Variants in AVL9 observed in about 807,000 individuals in gnomAD.
AVL9 encodes AVL9 cell migration associated.
Under a neutral mutation model 79.2 loss-of-function variants are expected in AVL9, and 49 were observed. That is an observed-to-expected ratio of 0.62 (90% CI 0.49 to 0.79). The LOEUF (loss-of-function observed/expected upper bound fraction) is 0.79, where lower values mean the gene tolerates loss of function less well. AVL9 is among the 30% of genes least tolerant of loss of function. The probability of loss-of-function intolerance (pLI) is 0.00; values close to 1 mark genes in which losing one functional copy is unlikely to be tolerated. For synonymous variants in AVL9, 299 were observed against 280.6 expected, an observed-to-expected ratio of 1.07 and a Z score of -0.65; for missense variants, 682 against 776.8, an observed-to-expected ratio of 0.88 and a Z score of 1.45.
chr7:32,552,528 T>G (rs1789878717), intron 6 of AVL9, among the ~76,000 whole-genome samples: 1 of 152,264 alleles, frequency 6.6e-6, no homozygotes, highest in Admixed American at 6.5e-5. Context: ...TCTGCCTTTT[T>G]TTTTTTTGAG....
chr7:32,555,144 GC>G (rs1790001276), intron 8 of AVL9, among the ~76,000 whole-genome samples: 1 of 152,156 alleles, frequency 6.6e-6, no homozygotes, highest in Non-Finnish European at 1.5e-5. Context: ...TTTGAGACCA[GC>G]CTGGGCAACA....
chr7:32,585,859 A>C lies in AVL9; in HGVS notation c.*1952A>C, dbSNP rs1016437023. Reference sequence around the variant, plus strand: ...GAAAGTAGTACCAAACAAAAACCTTAAACAGTACTTGAATCTTTTTTGCGC... The same window carrying C: ...GAAAGTAGTACCAAACAAAAACCTTCAACAGTACTTGAATCTTTTTTGCGC... On this transcript the variant is annotated 3_prime_UTR_variant, in exon 16 of 16. Coordinates refer to ENST00000318709, the MANE Select transcript of AVL9 (RefSeq NM_015060.3). The C allele has an allele frequency of 6.6e-6, 1 of 152,206 alleles. No individual in the cohort carries two copies. Among genetic ancestry groups the C allele is most frequent in the Non-Finnish European group, 1.5e-5 (1 of 68,036 alleles). 9.4% of individuals were successfully genotyped at this position (152,206 alleles called of 1,614,324 possible). A position where few individuals can be genotyped will look rare whatever the true frequency, so the allele number is the denominator to read the frequency against.
chr7:32,575,090 T>C (rs919616053), intron 12 of AVL9, among the ~76,000 whole-genome samples: 1 of 22,432 alleles, frequency 4.5e-5, no homozygotes, highest in Non-Finnish European at 1.2e-4. Context: ...TTAAGACTTT[T>C]TTTGTTTTGT....
At chr7:32,542,547 C>G (rs961205154) in intron 1 of AVL9, among the ~76,000 whole-genome samples, 1 of 152,032 alleles carries the variant, frequency 6.6e-6, no homozygotes. Context: ...CAGAGTGAGA[C>G]TGTCTCAAAA....
Position 32,559,357 on chromosome 7 carries a change from A to AT in AVL9, c.1110dup (p.Thr371TyrfsTer7). 2 of 1,614,108 alleles carry AT rather than the reference A, an allele frequency of 1.2e-6. No individual in the cohort carries two copies. Among genetic ancestry groups the AT allele is most frequent in the Non-Finnish European group, 1.7e-6 (2 of 1,180,036 alleles). Reference sequence around the variant, plus strand: ...CTCTGTCCCCTCAGAGAGTCTTCCAATTACTGTACAACCTCAAGCTAATAC... The same window carrying AT: ...CTCTGTCCCCTCAGAGAGTCTTCCAATTTACTGTACAACCTCAAGCTAATAC... On this transcript the variant is annotated frameshift_variant, in exon 10 of 16. Transcript: ENST00000318709. LOFTEE classifies it high-confidence loss of function.
chr7:32,581,201 A>G (rs935673959), intron 15 of AVL9: 29 of 253,570 alleles, frequency 1.1e-4, no homozygotes, highest in Middle Eastern at 1.2e-3. Context: ...AATGGCAGAG[A>G]CTCATAATAA....
chr7:32,563,647 G>A (rs1246135874), intron 10 of AVL9, among the ~76,000 whole-genome samples: 3 of 151,650 alleles, frequency 2.0e-5, no homozygotes, highest in Non-Finnish European at 1.5e-5. Flanking sequence ...CCTGAATACT[G>A]TCTGGTATCC....
At chr7:32,496,024 G>T (rs1287035382) in intron 1 of AVL9, among the ~76,000 whole-genome samples, 1 of 151,644 alleles carries the variant, frequency 6.6e-6, no homozygotes, top group East Asian at 1.9e-4. Flanking sequence ...AAATGGTTGA[G>T]CAGCGGAGGA....
At chr7:32,571,884 C>T (rs187996270) in intron 11 of AVL9, among the ~76,000 whole-genome samples, 36 of 152,234 alleles carry the variant, frequency 2.4e-4, no homozygotes, top group Admixed American at 2.4e-3. Context: ...AAGTATCTGG[C>T]CGGGCACAGT....
Position 32,548,921 on chromosome 7 carries a change from A to G in AVL9, c.372+3A>G. 1 of 1,551,496 alleles carries G rather than the reference A, an allele frequency of 6.4e-7. No homozygotes were observed. The stretch of plus-strand genomic sequence containing the variant: ...GTGTCTGTGTTCTAAGCAAGCTGGT[A>G]AGAGACGAAGTAACTTGTTCATTAT... On this transcript the variant is annotated splice_donor_region_variant and intron_variant, in intron 4 of 15. Coordinates refer to ENST00000318709, the MANE Select transcript of AVL9 (RefSeq NM_015060.3).
At chr7:32,561,584 A>G (rs1790335312) in intron 10 of AVL9, among the ~76,000 whole-genome samples, 1 of 152,286 alleles carries the variant, frequency 6.6e-6, no homozygotes, top group Non-Finnish European at 1.5e-5. Flanking sequence ...CTTTCTGCAT[A>G]TCAGCAATAA....
intron 15 of AVL9, among the ~76,000 whole-genome samples, chr7:32,582,541 A>G (rs1791560199): frequency 1.3e-5 from 2 of 152,358 alleles, no homozygotes; most frequent in African/African-American, 4.8e-5. Flanking sequence ...ATGCTATATT[A>G]TAGATTATTA....
chr7:32,539,637 T>C (rs1789084213), intron 1 of AVL9, among the ~76,000 whole-genome samples: 1 of 152,226 alleles, frequency 6.6e-6, no homozygotes, highest in African/African-American at 2.4e-5. Context: ...TTTAACAGTA[T>C]TTATTAGTTT....
chr7:32,568,521 A>G (rs1475430857), intron 10 of AVL9, among the ~76,000 whole-genome samples: 1 of 152,200 alleles, frequency 6.6e-6, no homozygotes, highest in Admixed American at 6.5e-5. Context: ...TTTGGAGATG[A>G]ATATCATCAC....
Position 32,534,840 on chromosome 7 carries a change from C to T in AVL9, c.94-8301C>T, listed in dbSNP as rs147776411. On this transcript the variant is annotated intron_variant, in intron 1 of 15. Coordinates refer to ENST00000318709, the MANE Select transcript of AVL9 (RefSeq NM_015060.3). ...GCAGGCACCAGTAATCCCAGCTACT[C>T]GGGAGGCTGAGGCAGGAGAATCGCT... is the stretch of plus-strand genomic sequence containing the variant. 7.9e-3 allele frequency: 1,205 copies of T among 152,158 alleles called. 14 individuals are homozygous for T. The highest frequency in any genetic ancestry group is 0.031 in the Middle Eastern group (9 of 294). 9.4% of individuals were successfully genotyped at this position (152,158 alleles called of 1,614,324 possible).
intron 3 of AVL9, among the ~76,000 whole-genome samples, chr7:32,548,530 G>A (rs191018560): frequency 6.6e-6 from 1 of 152,294 alleles, no homozygotes; most frequent in East Asian, 1.9e-4. Context: ...AGAATCAACA[G>A]TGATTGATTT....
intron 1 of AVL9, chr7:32,533,975 A>G (rs1788782154): frequency 6.6e-6 from 1 of 152,154 alleles, no homozygotes; most frequent in African/African-American, 2.4e-5. Context: ...TTGTTTTTGT[A>G]GTTTTCTTGT....
intron 1 of AVL9, among the ~76,000 whole-genome samples, chr7:32,541,004 T>C (rs2128133246): frequency 6.8e-6 from 1 of 147,150 alleles, no homozygotes; most frequent in African/African-American, 2.5e-5. Flanking sequence ...GTTCACGCCA[T>C]TCTCCTCCTG....
At chr7:32,578,307 T>C (rs1791189628) in intron 13 of AVL9, among the ~76,000 whole-genome samples, 1 of 152,186 alleles carries the variant, frequency 6.6e-6, no homozygotes, top group African/African-American at 2.4e-5. Flanking sequence ...ATCTTGATAT[T>C]GGAGGGCCTC....
Sources: allele counts gnomAD v4.1 joint callset (sites outside exome capture counted in the v4.1 genomes callset), GRCh38; gene constraint gnomAD v4.1.1; transcripts MANE v1.5; gene names NCBI Gene and HGNC (gene_info 2026-07-23, HGNC 2026-07-21).